The following PDE4D variants were observed in gnomAD, a reference collection of about 807,000 sequenced individuals.
PDE4D encodes phosphodiesterase 4D, also known as 3',5'-cyclic-AMP phosphodiesterase 4D.
In PDE4D, 24 loss-of-function variants were observed where a neutral mutation model predicts 87.4. That is an observed-to-expected ratio of 0.27 (90% CI 0.20 to 0.39). PDE4D has a LOEUF of 0.39. PDE4D is among the 10% of genes least tolerant of loss of function. The pLI is 1.00. For synonymous variants in PDE4D, 384 were observed against 383.2 expected (o/e 1.00, Z -0.02); for missense variants, 714 against 1,041.0 (o/e 0.69, Z 4.32).
At chr5:59,274,499 A>C (rs1160868872) in intron 1 of PDE4D, among the ~76,000 whole-genome samples, 3 of 152,050 alleles carry the variant, frequency 2.0e-5, no homozygotes, top group Non-Finnish European at 1.5e-5. Context: ...CATTGCTTTT[A>C]TTTCCCCAGT....
At chr5:60,364,737 AG>A (rs1199595694) in intron 1 of PDE4D, among the ~76,000 whole-genome samples, 3 of 152,224 alleles carry the variant, frequency 2.0e-5, no homozygotes, top group Non-Finnish European at 2.9e-5. Context: ...TCGTTAAAAC[AG>A]GTGGCATTTC....
chr5:59,756,505 A>AACCTACACACACACACAC (rs1761234132), intron 1 of PDE4D, among the ~76,000 whole-genome samples: 1 of 67,226 alleles, frequency 1.5e-5, no homozygotes, highest in Non-Finnish European at 3.3e-5. Context: ...GTAAACCCAA[A>AACCTACACACACACACAC]ACATACACAC....
intron 2 of PDE4D, among the ~76,000 whole-genome samples, chr5:60,015,024 G>A (rs1312087623): frequency 3.9e-5 from 6 of 152,156 alleles, no homozygotes; most frequent in Admixed American, 1.3e-4. Context: ...ATTGCTATGT[G>A]CCTCTCATTT....
At chr5:59,689,041 AG>A (rs1420559185) in intron 1 of PDE4D, among the ~76,000 whole-genome samples, 1 of 152,204 alleles carries the variant, frequency 6.6e-6, no homozygotes, top group Non-Finnish European at 1.5e-5. Context: ...ATCCCTCAAT[AG>A]ACCAATAACA....
chr5:59,149,326 T>C (rs1247827092), intron 5 of PDE4D, among the ~76,000 whole-genome samples: 1 of 152,186 alleles, frequency 6.6e-6, no homozygotes, highest in Non-Finnish European at 1.5e-5. Context: ...GCTCTTTCAC[T>C]AAAGGACCAG....
chr5:60,319,518 T>C (rs1271752382), intron 1 of PDE4D, among the ~76,000 whole-genome samples: 1 of 152,226 alleles, frequency 6.6e-6, no homozygotes, highest in East Asian at 1.9e-4. Flanking sequence ...CTTTGTTCCG[T>C]TGCTGATGAG....
intron 5 of PDE4D, among the ~76,000 whole-genome samples, chr5:59,080,396 G>T (rs773227926): frequency 6.6e-6 from 1 of 152,156 alleles, no homozygotes; most frequent in Non-Finnish European, 1.5e-5. Context: ...ATAATGGCCT[G>T]CTCCTAGAGT....
At chr5:60,466,478 G>A (rs1326647161) in intron 1 of PDE4D, among the ~76,000 whole-genome samples, 1 of 152,144 alleles carries the variant, frequency 6.6e-6, no homozygotes, top group East Asian at 1.9e-4. Context: ...AATTTAGAAT[G>A]GCTCTATTAA....
chr5:59,960,073 A>AGT (rs1759297863), intron 3 of PDE4D, among the ~76,000 whole-genome samples: 1 of 152,118 alleles, frequency 6.6e-6, no homozygotes, highest in Non-Finnish European at 1.5e-5. Flanking sequence ...AAGACATACA[A>AGT]GCAACCAATA....
intron 1 of PDE4D, among the ~76,000 whole-genome samples, chr5:59,687,296 A>G (rs1337501004): frequency 6.6e-6 from 1 of 152,186 alleles, no homozygotes; most frequent in Non-Finnish European, 1.5e-5. Context: ...TAAAGTTGAA[A>G]TGAAGGAAAA....
intron 6 of PDE4D, among the ~76,000 whole-genome samples, chr5:58,995,339 T>C (rs1291030914): frequency 2.6e-5 from 4 of 152,200 alleles, no homozygotes. Context: ...AATACATATT[T>C]TTAAAACTGG....
intron 1 of PDE4D, among the ~76,000 whole-genome samples, chr5:59,283,011 A>G (rs904604406): frequency 6.6e-6 from 1 of 152,134 alleles, no homozygotes; most frequent in African/African-American, 2.4e-5. Context: ...TGCAAATCCA[A>G]ATTCCACCAA....
At chr5:59,507,846 A>G (rs1377232688) in intron 1 of PDE4D, among the ~76,000 whole-genome samples, 4 of 151,698 alleles carry the variant, frequency 2.6e-5, no homozygotes, top group Non-Finnish European at 4.4e-5. Flanking sequence ...AAGGTACACA[A>G]ATGGGGGCTT....
chr5:60,167,519 C>T (rs946164746), intron 2 of PDE4D, among the ~76,000 whole-genome samples: 9 of 152,072 alleles, frequency 5.9e-5, no homozygotes, highest in East Asian at 1.9e-4. Flanking sequence ...CCGCCCGCCT[C>T]GGCCTGAACT....
intron 3 of PDE4D, among the ~76,000 whole-genome samples, chr5:59,950,993 G>C (rs112003887): frequency 2.2e-3 from 339 of 152,114 alleles, no homozygotes; most frequent in African/African-American, 7.9e-3. Context: ...AATATTATTA[G>C]CAATATTTGA....
chr5:59,413,793 C>T (rs1258334377), intron 1 of PDE4D, among the ~76,000 whole-genome samples: 2 of 152,142 alleles, frequency 1.3e-5, no homozygotes, highest in African/African-American at 4.8e-5. Context: ...AGTCTAGAGT[C>T]TTCATAGATA....
chr5:60,027,261 G>T (rs552699764), intron 2 of PDE4D, among the ~76,000 whole-genome samples: 18 of 152,028 alleles, frequency 1.2e-4, no homozygotes, highest in Admixed American at 3.9e-4. Context: ...AGTGTCTATT[G>T]TTTCCATCTT....
At chr5:59,060,111 C>T (rs1762915689) in intron 5 of PDE4D, among the ~76,000 whole-genome samples, 1 of 152,006 alleles carries the variant, frequency 6.6e-6, no homozygotes, top group African/African-American at 2.4e-5. Context: ...TTTTATCTGC[C>T]TGTATTTATT....
intron 3 of PDE4D, among the ~76,000 whole-genome samples, chr5:59,956,799 C>G (rs1449226215): frequency 6.6e-6 from 1 of 152,010 alleles, no homozygotes; most frequent in Non-Finnish European, 1.5e-5. Context: ...AGAGGTGAAA[C>G]TGGCTAACAA....
Sources: allele counts gnomAD v4.1 joint callset (sites outside exome capture counted in the v4.1 genomes callset), GRCh38; gene constraint gnomAD v4.1.1; transcripts MANE v1.5; gene names NCBI Gene and HGNC (gene_info 2026-07-23, HGNC 2026-07-21).